ASPHD1: variants seen among roughly 807,000 people sequenced by gnomAD.
The protein encoded by ASPHD1 is aspartate beta-hydroxylase domain-containing protein 1.
A neutral mutation model predicts 28.3 loss-of-function variants in ASPHD1; 20 were observed. That is an observed-to-expected ratio of 0.71 (90% CI 0.50 to 1.03). ASPHD1 has a LOEUF of 1.03. ASPHD1 is among the 50% of genes least tolerant of loss of function. The pLI is 0.00. For synonymous variants in ASPHD1, 240 were observed against 221.2 expected, an observed-to-expected ratio of 1.08 and a Z score of -0.75; for missense variants, 479 against 524.1, an observed-to-expected ratio of 0.91 and a Z score of 0.84.
At chr16:29,911,257 C>A in intron 3 of ASPHD1, 1 of 1,043,094 alleles carries the variant, frequency 9.6e-7, no homozygotes, top group East Asian at 2.5e-5. Flanking sequence ...GATGCATTCC[C>A]AGTCCTCTGC....
chr16:29,916,525 G>C (rs964909370), intron 3 of ASPHD1, among the ~76,000 whole-genome samples: 1 of 152,094 alleles, frequency 6.6e-6, no homozygotes, highest in Admixed American at 6.6e-5. Context: ...AGAAACCAAA[G>C]TCTGTTCTCT....
chr16:29,916,177 T>G (rs1597021923), intron 3 of ASPHD1, among the ~76,000 whole-genome samples: 2 of 152,188 alleles, frequency 1.3e-5, no homozygotes. Flanking sequence ...CAATAGCATT[T>G]TCCTAACTGT....
chr16:29,911,255 C>T, intron 3 of ASPHD1: 2 of 1,069,140 alleles, frequency 1.9e-6, no homozygotes, highest in South Asian at 1.5e-5. Context: ...TGGATGCATT[C>T]CCAGTCCTCT....
Position 29,901,669 on chromosome 16 carries a change from G to T in ASPHD1, c.698G>T (p.Gly233Val). 6.3e-7 allele frequency: 1 copy of T among 1,584,328 alleles called. No individual in the cohort carries two copies. Residue 233 changes from glycine to valine, a missense_variant, in exon 1 of 3, where the codon GGG (glycine) becomes GTG (valine). By Grantham distance (109) the Gly-to-Val change is moderately radical (BLOSUM62 -3). Transcript: ENST00000308748. The surrounding 1 kb of genome is among the most constrained non-coding windows in gnomAD (Gnocchi z 5.1). ...DFGAVSWDFSGTTPPPRGWSP... is the reference protein window; with the variant it reads ...DFGAVSWDFSVTTPPPRGWSP... ...GGGGCTGTGAGCTGGGACTTCTCAG[G>T]GACTACCCCTCCGCCTCGGGGCTGG...
chr16:29,909,853 T>C (rs1373625290), downstream of ASPHD1, among the ~76,000 whole-genome samples: 5 of 151,642 alleles, frequency 3.3e-5, no homozygotes, highest in African/African-American at 1.2e-4. Context: ...GCAGATCACT[T>C]GAGGTCAGGG....
downstream of ASPHD1, among the ~76,000 whole-genome samples, chr16:29,908,992 T>C (rs2068659731): frequency 6.6e-6 from 1 of 152,016 alleles, no homozygotes; most frequent in African/African-American, 2.4e-5. Context: ...GCACTCTAAT[T>C]ATTGGTTTAT....
Position 29,900,932 on chromosome 16 carries a change from GAGAA to G in ASPHD1, c.-37_-34del, listed in dbSNP as rs770988663. ...AGGAGGAAGAAGAGGTAGAAGGAGA[GAGAA>G]AGGGGAGAGAAAGGAGAGAGGAGGG... is the stretch of plus-strand genomic sequence containing the variant. On this transcript the variant is annotated 5_prime_UTR_variant, in exon 1 of 3. Coordinates refer to ENST00000308748, the MANE Select transcript of ASPHD1 (RefSeq NM_181718.4). 6.5e-7 allele frequency: 1 copy of G among 1,529,620 alleles called. No homozygotes were observed. The allele number at this position is 1,529,620 out of a possible 1,614,324, so 94.8% of individuals were successfully genotyped here.
chr16:29,917,953 A>C (rs2068838790), intron 3 of ASPHD1, among the ~76,000 whole-genome samples: 1 of 152,166 alleles, frequency 6.6e-6, no homozygotes, highest in Admixed American at 6.6e-5. Context: ...GCCTCAAAAA[A>C]TAAAAATAAA....
Position 29,901,106 on chromosome 16 carries a change from G to C in ASPHD1, c.135G>C (p.Glu45Asp). 6.2e-7 allele frequency: 1 copy of C among 1,610,182 alleles called. No individual in the cohort carries two copies. The highest frequency in any genetic ancestry group is 1.1e-5 in the South Asian group (1 of 90,624). Residue 45 changes from glutamate to aspartate, a missense_variant, in exon 1 of 3, where the codon GAG becomes GAC. Physicochemically the swap from Glu to Asp is conservative, Grantham distance 45. Transcript: ENST00000308748. The surrounding 1 kb of genome is among the most constrained non-coding windows in gnomAD (Gnocchi z 5.1). ...CAGCCATGGAAGGGACAGGTGGGGA[G>C]CTGGGGGGACAGGGGAACTGGGGTC... ...QGAAMEGTGG[E>D]LGGQGNWGPE...
At chr16:29,911,666 G>C (rs1303484902) in intron 3 of ASPHD1, 28 of 731,010 alleles carry the variant, frequency 3.8e-5, no homozygotes, top group Non-Finnish European at 6.0e-5. Context: ...CCTGCCTAGA[G>C]CGTCAGGGGT....
chr16:29,904,591 T>G (rs1597005545), intron 1 of ASPHD1, among the ~76,000 whole-genome samples: 2 of 135,338 alleles, frequency 1.5e-5, no homozygotes, highest in South Asian at 2.3e-4. Flanking sequence ...CCAGCCTGGG[T>G]GAGAGAGTGA....
At chr16:29,911,329 G>A (rs1458164270) in intron 3 of ASPHD1, 4 of 637,366 alleles carry the variant, frequency 6.3e-6, no homozygotes, top group African/African-American at 5.5e-5. Context: ...CAGGCTAAAC[G>A]GGTCTCAGAA....
At chr16:29,906,474 G>A (rs2068614673), downstream of ASPHD1, 4 of 465,748 alleles carry the variant, frequency 8.6e-6, no homozygotes, top group South Asian at 3.1e-5. Context: ...AGGATGGTGG[G>A]GAGGAGGGGG....
chr16:29,900,934 G>A lies in ASPHD1; in HGVS notation c.-38G>A. The A allele has an allele frequency of 6.5e-7, 1 of 1,533,316 alleles. No homozygotes were observed. Among genetic ancestry groups the A allele is most frequent in the Non-Finnish European group, 8.8e-7 (1 of 1,132,130 alleles). 95.0% of individuals were successfully genotyped at this position (1,533,316 alleles called of 1,614,324 possible). On this transcript the variant is annotated 5_prime_UTR_variant, in exon 1 of 3. Transcript: ENST00000308748. ...GAGGAAGAAGAGGTAGAAGGAGAGAGAAAGGGGAGAGAAAGGAGAGAGGAG... is the reference window on the plus strand; with the variant it reads ...GAGGAAGAAGAGGTAGAAGGAGAGAAAAAGGGGAGAGAAAGGAGAGAGGAG...
chr16:29,910,137 C>T (rs1410010980), downstream of ASPHD1, among the ~76,000 whole-genome samples: 1 of 150,124 alleles, frequency 6.7e-6, no homozygotes, highest in East Asian at 2.0e-4. Flanking sequence ...CAGTGGCTCA[C>T]GCTTGTAATC....
At chr16:29,902,633 G>A (rs922434097) in intron 1 of ASPHD1, among the ~76,000 whole-genome samples, 2 of 151,682 alleles carry the variant, frequency 1.3e-5, no homozygotes, top group African/African-American at 4.8e-5. Flanking sequence ...TCAGCCTCCC[G>A]AGTATCTGGG....
At chr16:29,911,891 G>T in intron 3 of ASPHD1, 1 of 1,611,578 alleles carries the variant, frequency 6.2e-7, no homozygotes, top group South Asian at 1.1e-5. Context: ...GAGGATGGAC[G>T]AGAGGGGTGA....
At chr16:29,907,711 A>C (rs541261047), downstream of ASPHD1, among the ~76,000 whole-genome samples, 1 of 152,128 alleles carries the variant, frequency 6.6e-6, no homozygotes, top group Admixed American at 6.6e-5. Context: ...TCACCTGAGC[A>C]TGGGAGGTGG....
chr16:29,910,859 C>A, downstream of ASPHD1: 1 of 870,514 alleles, frequency 1.1e-6, no homozygotes, highest in Non-Finnish European at 1.8e-6. Flanking sequence ...CACCCCAGAC[C>A]CCAGGATCTG....
Sources: allele counts gnomAD v4.1 joint callset (sites outside exome capture counted in the v4.1 genomes callset), GRCh38; gene constraint gnomAD v4.1.1; non-coding constraint Gnocchi (gnomAD v3.1); transcripts MANE v1.5; gene names NCBI Gene and HGNC (gene_info 2026-07-23, HGNC 2026-07-21).